The following BEND7 variants were observed in gnomAD, a reference collection of about 807,000 sequenced individuals.
BEND7 encodes the protein BEN domain-containing protein 7.
In BEND7, 28 loss-of-function variants were observed where a neutral mutation model predicts 50.9. The ratio of observed to expected loss-of-function variants is 0.55; its 90% CI spans 0.41 to 0.75. The LOEUF (loss-of-function observed/expected upper bound fraction) is 0.75, where lower values mean the gene tolerates loss of function less well. BEND7 is among the 30% of genes least tolerant of loss of function. The probability of loss-of-function intolerance (pLI) is 0.00; values close to 1 mark genes in which losing one functional copy is unlikely to be tolerated. For missense variants in BEND7, 477 were observed against 491.3 expected (o/e 0.97, Z 0.28); for synonymous variants, 170 against 183.9 (o/e 0.92, Z 0.61).
chr10:13,515,114 T>C (rs2078570498), intron 2 of BEND7, among the ~76,000 whole-genome samples: 1 of 152,222 alleles, frequency 6.6e-6, no homozygotes, highest in African/African-American at 2.4e-5. Flanking sequence ...AATGTAAAGG[T>C]ATTAATCTTT....
At chr10:13,447,793 T>C (rs940007542) in intron 7 of BEND7, among the ~76,000 whole-genome samples, 2 of 152,196 alleles carry the variant, frequency 1.3e-5, no homozygotes, top group Admixed American at 1.3e-4. Flanking sequence ...TATTAAAACT[T>C]TTTAAAATCT....
At chr10:13,456,177 C>T (rs1463566658) in intron 6 of BEND7, among the ~76,000 whole-genome samples, 3 of 152,128 alleles carry the variant, frequency 2.0e-5, no homozygotes, top group Non-Finnish European at 2.9e-5. Flanking sequence ...CAGAAAAAGG[C>T]TCATGGGCTT....
intron 3 of BEND7, among the ~76,000 whole-genome samples, chr10:13,497,599 G>C (rs1169207729): frequency 6.6e-6 from 1 of 152,102 alleles, no homozygotes; most frequent in Non-Finnish European, 1.5e-5. Context: ...CTTTTGCACT[G>C]TTTAAATTTA....
chr10:13,449,329 T>G (rs1837173607), intron 7 of BEND7, among the ~76,000 whole-genome samples: 1 of 152,180 alleles, frequency 6.6e-6, no homozygotes, highest in Non-Finnish European at 1.5e-5. Flanking sequence ...ATAACAATGA[T>G]AATCACCATG....
intron 2 of BEND7, among the ~76,000 whole-genome samples, chr10:13,501,547 GAT>G (rs1162048954): frequency 6.6e-6 from 1 of 151,622 alleles, no homozygotes; most frequent in Non-Finnish European, 1.5e-5. Context: ...AAACCCAAAA[GAT>G]AAAATCTTAG....
intron 2 of BEND7, among the ~76,000 whole-genome samples, chr10:13,507,989 G>C (rs1265272441): frequency 6.6e-6 from 1 of 152,222 alleles, no homozygotes; most frequent in Non-Finnish European, 1.5e-5. Context: ...TTGGCATGGA[G>C]CCATGCTGTG....
At chr10:13,507,910 G>A (rs2078011331) in intron 2 of BEND7, among the ~76,000 whole-genome samples, 1 of 152,218 alleles carries the variant, frequency 6.6e-6, no homozygotes, top group African/African-American at 2.4e-5. Context: ...GTTTATCAGT[G>A]AGAAATAATA....
chr10:13,493,351 A>ATCATTT lies in BEND7; in HGVS notation c.572-481_572-476dup, dbSNP rs112832345. On this transcript the variant is annotated intron_variant, in intron 4 of 8. Transcript: ENST00000466271. The stretch of plus-strand genomic sequence containing the variant: ...AACTGATAAAGATGAGACAGTGATG[A>ATCATTT]TCATTTGCGCAAGACTGATCAAAAG... 1.6e-3 allele frequency among the ~76,000 whole-genome samples: 246 copies of ATCATTT among 152,340 alleles called. 8 individuals carry two copies. In the South Asian group the frequency reaches 0.039, roughly 24 times the overall value.
chr10:13,496,878 T>G lies in BEND7; in HGVS notation c.459A>C (p.Pro153=). ...TTGATCCAGCTGATGAATTCACCAC[T>G]GGAAGTTCTCCTGAGCATGAAAGAA... is the stretch of plus-strand genomic sequence containing the variant. ...HPTTSSNGEL[P]VVNSSAGSNC... is the part of the protein sequence containing the mutation. Residue 153 remains proline (P), a synonymous_variant, in exon 4 of 9, where the codon CCA becomes CCC. Coordinates refer to ENST00000466271, the MANE Select transcript of BEND7 (RefSeq NM_001369863.1). 6.3e-7 allele frequency: 1 copy of G among 1,593,446 alleles called. No homozygotes were observed. Among genetic ancestry groups the G allele is most frequent in the Non-Finnish European group, 8.5e-7 (1 of 1,175,980 alleles).
intron 2 of BEND7, among the ~76,000 whole-genome samples, chr10:13,508,272 A>G (rs1390497745): frequency 6.6e-6 from 1 of 152,216 alleles, no homozygotes; most frequent in African/African-American, 2.4e-5. Context: ...CTCAGCAAAA[A>G]ACAGTGTGAA....
At chr10:13,526,807 A>C (rs2079479779) in intron 1 of BEND7, among the ~76,000 whole-genome samples, 3 of 152,360 alleles carry the variant, frequency 2.0e-5, no homozygotes, top group African/African-American at 7.2e-5. Flanking sequence ...TTAATATGCA[A>C]GTTTATTTTC....
intron 2 of BEND7, chr10:13,502,983 A>G (rs1236761473): frequency 3.1e-6 from 3 of 965,622 alleles, no homozygotes; most frequent in Non-Finnish European, 3.7e-6. Flanking sequence ...GGATAGATAC[A>G]GTGCTACCAT....
At position 13,482,866 on chromosome 10, in the gene BEND7, A is replaced by G. The variant is rs1038740622; in HGVS notation, c.838-1742T>C. On this transcript the variant is annotated intron_variant, in intron 5 of 8. Transcript: ENST00000466271. The stretch of plus-strand genomic sequence containing the variant: ...AGAGGTGGTACATACCAGGCACTCA[A>G]TATGTCTTTGTTGAATGATTCAATG... 3.3e-5 allele frequency among the ~76,000 whole-genome samples: 5 copies of G among 152,294 alleles called. No homozygotes were observed. In the East Asian group the frequency reaches 5.8e-4, roughly 18 times the overall value.
In BEND7 at chr10:13,492,693, G is replaced by A; in HGVS notation, c.755C>T (p.Ala252Val). The A allele has an allele frequency of 6.2e-7, 1 of 1,614,232 alleles. No individual in the cohort carries two copies. Among genetic ancestry groups the A allele is most frequent in the South Asian group, 1.1e-5 (1 of 91,082 alleles). The change falls in exon 5 of 9, where the codon GCT (alanine) becomes GTT (valine). Residue 252 changes from alanine (A) to valine (V), a missense_variant. Ala to Val is a moderately conservative substitution (Grantham distance 64). Around this residue, in one of 3 missense-constraint regions of BEND7, gnomAD observed 396 missense variants for 384.2 expected, o/e 1.03. Transcript: ENST00000466271. The part of the protein sequence containing the change: ...KKSVVASELS[A>V]LQAAEHTSPE... Reference sequence around the variant, plus strand: ...GGAGGTGTGCTCGGCTGCCTGGAGAGCAGATAGCTCAGAGGCCACCACCGA... The same window carrying A: ...GGAGGTGTGCTCGGCTGCCTGGAGAACAGATAGCTCAGAGGCCACCACCGA...
chr10:13,487,037 G>C (rs1391546889), intron 5 of BEND7, among the ~76,000 whole-genome samples: 1 of 152,172 alleles, frequency 6.6e-6, no homozygotes, highest in Non-Finnish European at 1.5e-5. Context: ...TATAATTACT[G>C]TTTGTGAATT....
chr10:13,478,925 T>C (rs1225124127), intron 6 of BEND7, among the ~76,000 whole-genome samples: 3 of 152,100 alleles, frequency 2.0e-5, no homozygotes, highest in Non-Finnish European at 4.4e-5. Flanking sequence ...TTATTATATA[T>C]TGGGAGCAAA....
downstream of BEND7, chr10:13,438,911 C>T (rs1835034949): frequency 6.9e-6 from 3 of 435,078 alleles, no homozygotes; most frequent in Admixed American, 7.4e-5. Context: ...TGGGTTTGGG[C>T]TGATGGGAGA....
intron 6 of BEND7, chr10:13,460,173 G>A: frequency 6.5e-6 from 1 of 153,230 alleles, no homozygotes. Flanking sequence ...TGAGGAGCCA[G>A]CAAACAAAAG....
intron 5 of BEND7, among the ~76,000 whole-genome samples, chr10:13,487,387 TC>T (rs10538272): frequency 0.082 from 5,633 of 68,696 alleles, 413 homozygotes; most frequent in African/African-American, 0.29. Context: ...TCTTTTCTTT[TC>T]TTTTTTTTTT....
Sources: allele counts gnomAD v4.1 joint callset (sites outside exome capture counted in the v4.1 genomes callset), GRCh38; gene constraint gnomAD v4.1.1; regional missense constraint gnomAD v4.1.1; transcripts MANE v1.5; gene names NCBI Gene and HGNC (gene_info 2026-07-23, HGNC 2026-07-21).